Variants in SYNRG observed in about 807,000 individuals in gnomAD.
The protein encoded by SYNRG is AP1 gamma subunit binding protein 1.
Under a neutral mutation model 130.9 loss-of-function variants are expected in SYNRG, and 37 were observed. The ratio of observed to expected loss-of-function variants is 0.28; its 90% confidence interval spans 0.22 to 0.37. The LOEUF (loss-of-function observed/expected upper bound fraction) is 0.37. Ranked by LOEUF, SYNRG falls within the 10% of genes least tolerant of loss-of-function variation. The pLI is 1.00. For missense variants in SYNRG, 1,338 were observed against 1,588.9 expected, an observed-to-expected ratio of 0.84 and a Z score of 2.68; for synonymous variants, 539 against 568.1, an observed-to-expected ratio of 0.95 and a Z score of 0.73.
Position 37,586,683 on chromosome 17 carries a change from CAAAGATGCAAATAAATA to C in SYNRG, c.241-151_241-135del, listed in dbSNP as rs1487688339. 1.3e-5 allele frequency: 13 copies of C among 996,578 alleles called. No individual in the cohort carries two copies. In the East Asian group the frequency reaches 2.4e-4, roughly 19 times the overall value. 61.7% of individuals were successfully genotyped at this position (996,578 alleles called of 1,614,324 possible). ...TAGAAATATATTGGATTAAAAGATG[CAAAGATGCAAATAAATA>C]AAAGATGCAAATATACAAAGAAATA... On this transcript the variant is annotated intron_variant, in intron 3 of 21. Transcript: ENST00000612223.
chr17:37,521,127 G>A (rs1461002575), intron 19 of SYNRG, among the ~76,000 whole-genome samples: 1 of 151,690 alleles, frequency 6.6e-6, no homozygotes, highest in Non-Finnish European at 1.5e-5. Context: ...CTGCCTCCCG[G>A]GTTCAAGCGA....
At chr17:37,582,412 A>G (rs113049039) in intron 6 of SYNRG, among the ~76,000 whole-genome samples, 78 of 152,200 alleles carry the variant, frequency 5.1e-4, no homozygotes, top group Non-Finnish European at 1.0e-3. Flanking sequence ...GCTACTTAAA[A>G]TATTTTTTAA....
intron 14 of SYNRG, among the ~76,000 whole-genome samples, chr17:37,545,234 AT>A (rs2058173169): frequency 1.3e-5 from 2 of 151,604 alleles, no homozygotes; most frequent in African/African-American, 4.9e-5. Flanking sequence ...AAAAAAAATA[AT>A]AATAATAATA....
chr17:37,516,852 T>C lies in SYNRG; in HGVS notation c.*2088A>G, dbSNP rs539858882. 3 of 152,254 alleles carry C rather than the reference T, an allele frequency of 2.0e-5. No homozygotes were observed. Among genetic ancestry groups the C allele is most frequent in the African/African-American group, 7.2e-5 (3 of 41,536 alleles). 9.4% of individuals were successfully genotyped at this position (152,254 alleles called of 1,614,324 possible). A position where few individuals can be genotyped will look rare whatever the true frequency, so the allele number is the denominator to read the frequency against. ...GTATAATTAGCTGGGGTCTTTACCA[T>C]CATGCCCAGGGCTGGTCTCTAACTC... is the stretch of plus-strand genomic sequence containing the variant. On this transcript the variant is annotated 3_prime_UTR_variant, in exon 22 of 22. Transcript: ENST00000612223.
At chr17:37,554,216 C>A (rs1217597238) in intron 13 of SYNRG, among the ~76,000 whole-genome samples, 157 bp from the exon 14 acceptor site, 1 of 152,232 alleles carries the variant, frequency 6.6e-6, no homozygotes, top group Non-Finnish European at 1.5e-5. Context: ...TCGAACTACA[C>A]ATTTATTTCC....
Position 37,597,291 on chromosome 17 carries a change from T to A in SYNRG, c.119-947A>T, listed in dbSNP as rs188337869. 9.7e-4 allele frequency among the ~76,000 whole-genome samples: 148 copies of A among 152,308 alleles called. No homozygotes were observed. In the Middle Eastern group the frequency reaches 0.01, roughly 11 times the overall value. On this transcript the variant is annotated intron_variant, in intron 2 of 21. Transcript: ENST00000612223. ...GGCTGACATCTTCACTGCAATCTCA[T>A]AAGAGGTCTTGAGCCTGAACCACCC...
In SYNRG at chr17:37,536,145, C is replaced by CAG; in HGVS notation, c.3518-20_3518-19dup. 2 of 1,597,718 alleles carry CAG rather than the reference C, an allele frequency of 1.3e-6. No homozygotes were observed. Among genetic ancestry groups the CAG allele is most frequent in the Non-Finnish European group, 1.7e-6 (2 of 1,171,672 alleles). ...AACAACACCTGACGGGATGAGAGAG[C>CAG]AGAGAGAGAGTGTTGGCAGTGGAGA... On this transcript the variant is annotated intron_variant, in intron 18 of 21. Transcript: ENST00000612223.
At chr17:37,520,009 C>G (rs1335296748) in intron 21 of SYNRG, among the ~76,000 whole-genome samples, 170 bp downstream of exon 21, 2 of 152,082 alleles carry the variant, frequency 1.3e-5, no homozygotes, top group African/African-American at 4.8e-5. Flanking sequence ...AGAAGTGGAC[C>G]CACACAGACA....
At position 37,577,555 on chromosome 17, in the gene SYNRG, T is replaced by C. The variant is rs765579687; in HGVS notation, c.648A>G (p.Glu216=). Residue 216 remains glutamate, a synonymous_variant, in exon 7 of 22, where the codon GAA becomes GAG. Transcript: ENST00000612223. ...VSCDISTSGQ[E]QIKLNTSEVG... Reference sequence around the variant, plus strand: ...CTTCAGAAGTATTTAATTTAATTTGTTCCTGCCCAGATGTACTTATATCAC... The same window carrying C: ...CTTCAGAAGTATTTAATTTAATTTGCTCCTGCCCAGATGTACTTATATCAC... The C allele has an allele frequency of 6.2e-7, 1 of 1,614,188 alleles. No individual in the cohort carries two copies. The highest frequency in any genetic ancestry group is 8.5e-7 in the Non-Finnish European group (1 of 1,180,020).
At chr17:37,522,422 G>A (rs1189749696) in intron 19 of SYNRG, among the ~76,000 whole-genome samples, 1 of 151,952 alleles carries the variant, frequency 6.6e-6, no homozygotes, top group Non-Finnish European at 1.5e-5. Context: ...AAAGTGGTGG[G>A]TTTACAGGCA....
At chr17:37,543,361 G>C (rs1044899123) in intron 14 of SYNRG, among the ~76,000 whole-genome samples, 2 of 152,128 alleles carry the variant, frequency 1.3e-5, no homozygotes, top group African/African-American at 4.8e-5. Context: ...AACTGCTGGG[G>C]CAGACGACTG....
In SYNRG at chr17:37,586,569, G is replaced by C. The variant is rs1329485961; in HGVS notation, c.241-20C>G. The C allele has an allele frequency of 6.2e-7, 1 of 1,612,732 alleles. No individual in the cohort carries two copies. Among genetic ancestry groups the C allele is most frequent in the Non-Finnish European group, 8.5e-7 (1 of 1,179,378 alleles). On this transcript the variant is annotated intron_variant, in intron 3 of 21. Coordinates refer to ENST00000612223, the MANE Select transcript of SYNRG (RefSeq NM_007247.6). Reference sequence around the variant, plus strand: ...TCCTGCCTAGAAGAAACAGACAAAGGCTTAAAAAACACAATTTATCCCTTT... The same window carrying C: ...TCCTGCCTAGAAGAAACAGACAAAGCCTTAAAAAACACAATTTATCCCTTT...
intron 1 of SYNRG, chr17:37,606,160 CTCTGCCACTCAGAGCCACAGTCA>C (rs2063729109): frequency 3.7e-6 from 1 of 269,080 alleles, no homozygotes; most frequent in South Asian, 1.4e-4. Context: ...CAAAACTCTT[CTCTGCCACTCAGAGCCACAGTCA>C]TCTGGCACTG....
At chr17:37,609,037 G>T (rs1427343411) in intron 1 of SYNRG, among the ~76,000 whole-genome samples, 1 of 142,930 alleles carries the variant, frequency 7.0e-6, no homozygotes, top group African/African-American at 2.7e-5. Flanking sequence ...CCCACACTGG[G>T]CGCGCGCTCG....
intron 10 of SYNRG, among the ~76,000 whole-genome samples, chr17:37,570,115 T>A (rs1330150444): frequency 2.0e-5 from 3 of 151,016 alleles, no homozygotes; most frequent in Non-Finnish European, 2.9e-5. Flanking sequence ...ATGTGACTAC[T>A]AGGATAGAAG....
intron 1 of SYNRG, among the ~76,000 whole-genome samples, chr17:37,607,966 A>AC (rs1568574166): frequency 5.4e-4 from 79 of 146,432 alleles, no homozygotes; most frequent in African/African-American, 1.7e-3. Flanking sequence ...AAAAAAAAAA[A>AC]AAAAAAAAAA....
chr17:37,571,427 C>T (rs1010449997), intron 9 of SYNRG, among the ~76,000 whole-genome samples: 1 of 151,966 alleles, frequency 6.6e-6, no homozygotes, highest in Admixed American at 6.6e-5. Flanking sequence ...ACTAAAAATA[C>T]AAAAAGTAGC....
intron 1 of SYNRG, among the ~76,000 whole-genome samples, chr17:37,607,526 A>C (rs2063853449): frequency 6.6e-6 from 1 of 152,128 alleles, no homozygotes; most frequent in African/African-American, 2.4e-5. Context: ...TGGTGACTCA[A>C]GCCTGTAATT....
intron 19 of SYNRG, among the ~76,000 whole-genome samples, chr17:37,530,801 G>C (rs2056552968): frequency 6.6e-6 from 1 of 152,142 alleles, no homozygotes; most frequent in Non-Finnish European, 1.5e-5. Flanking sequence ...TGCCTTTTAG[G>C]GGCAGTGATG....
Sources: allele counts gnomAD v4.1 joint callset (sites outside exome capture counted in the v4.1 genomes callset), GRCh38; gene constraint gnomAD v4.1.1; transcripts MANE v1.5; gene names NCBI Gene and HGNC (gene_info 2026-07-23, HGNC 2026-07-21).